Variants in ZBTB20 observed in about 807,000 individuals in gnomAD.
ZBTB20 encodes the protein zinc finger and BTB domain containing 20.
A neutral mutation model predicts 56.9 loss-of-function variants in ZBTB20; 9 were observed. The ratio of observed to expected loss-of-function variants is 0.16; its 90% CI spans 0.10 to 0.28. ZBTB20 has a LOEUF of 0.28. Ranked by LOEUF, ZBTB20 falls within the 10% of genes least tolerant of loss-of-function variation. ZBTB20 has a pLI of 1.00. For missense variants in ZBTB20, 655 were observed against 1,003.0 expected (o/e 0.65, Z 4.69); for synonymous variants, 417 against 420.7 (o/e 0.99, Z 0.11).
At chr3:114,526,220 A>G (rs962950957) in intron 6 of ZBTB20, among the ~76,000 whole-genome samples, 3 of 152,076 alleles carry the variant, frequency 2.0e-5, no homozygotes, top group Non-Finnish European at 4.4e-5. Flanking sequence ...CTTTTAAACT[A>G]CCTTGCATAT....
intron 5 of ZBTB20, among the ~76,000 whole-genome samples, chr3:114,729,312 C>G (rs1023403877): frequency 6.6e-6 from 1 of 152,152 alleles, no homozygotes; most frequent in Admixed American, 6.5e-5. Context: ...TAGAGAATAA[C>G]AGCAATGGAT....
At chr3:115,082,561 G>A (rs1390407320) in intron 1 of ZBTB20, among the ~76,000 whole-genome samples, 1 of 152,002 alleles carries the variant, frequency 6.6e-6, no homozygotes, top group African/African-American at 2.4e-5. Context: ...ATGGACAAAC[G>A]GACGGGAAAG....
At chr3:114,870,875 C>G (rs1158741735) in intron 4 of ZBTB20, among the ~76,000 whole-genome samples, 1 of 151,842 alleles carries the variant, frequency 6.6e-6, no homozygotes, top group Non-Finnish European at 1.5e-5. Flanking sequence ...TTCTTTCCTC[C>G]CTCCTCATTT....
At chr3:114,558,614 T>C (rs573199164) in intron 6 of ZBTB20, among the ~76,000 whole-genome samples, 1 of 152,252 alleles carries the variant, frequency 6.6e-6, no homozygotes, top group African/African-American at 2.4e-5. Flanking sequence ...TGGACATTTC[T>C]TAACTATTAA....
At chr3:114,434,558 T>TTGTGTGTGTG (rs71146320) in intron 7 of ZBTB20, among the ~76,000 whole-genome samples, 8,045 of 145,408 alleles carry the variant, frequency 0.055, 309 homozygotes, top group Non-Finnish European at 0.083. Context: ...GTGTGTGTGT[T>TTGTGTGTGTG]TGTGTGTGTG....
At chr3:114,525,163 T>TGGG (rs551328669) in intron 6 of ZBTB20, among the ~76,000 whole-genome samples, 4 of 151,864 alleles carry the variant, frequency 2.6e-5, no homozygotes, top group African/African-American at 9.7e-5. Flanking sequence ...CTTTTTTTGT[T>TGGG]GGGGGGGGTG....
chr3:114,665,162 T>C (rs1187751425), intron 6 of ZBTB20, among the ~76,000 whole-genome samples: 1 of 151,474 alleles, frequency 6.6e-6, no homozygotes, highest in Non-Finnish European at 1.5e-5. Flanking sequence ...ATCTATACCA[T>C]GGTGGTCCCA....
chr3:114,361,771 T>A (rs552292326), intron 10 of ZBTB20, among the ~76,000 whole-genome samples: 1 of 152,294 alleles, frequency 6.6e-6, no homozygotes, highest in East Asian at 1.9e-4. Flanking sequence ...AGGTCTCTAC[T>A]TGCATACAGC....
chr3:114,509,930 C>T (rs943233465), intron 6 of ZBTB20, among the ~76,000 whole-genome samples: 2 of 152,130 alleles, frequency 1.3e-5, no homozygotes, highest in Admixed American at 1.3e-4. Context: ...CTATCTGCTC[C>T]TTAACCTCCC....
chr3:114,842,187 T>C (rs535533591), intron 4 of ZBTB20, among the ~76,000 whole-genome samples: 1 of 152,332 alleles, frequency 6.6e-6, no homozygotes, highest in South Asian at 2.1e-4. Flanking sequence ...TTCCATGCCA[T>C]TACTCTACTC....
intron 2 of ZBTB20, among the ~76,000 whole-genome samples, chr3:115,019,227 A>C (rs1231740849): frequency 6.6e-6 from 1 of 151,198 alleles, no homozygotes; most frequent in African/African-American, 2.4e-5. Flanking sequence ...ACAGAGAAAA[A>C]ATTTTAGATG....
intron 3 of ZBTB20, among the ~76,000 whole-genome samples, chr3:114,961,529 C>T (rs2077451094): frequency 6.6e-6 from 1 of 152,008 alleles, no homozygotes; most frequent in Non-Finnish European, 1.5e-5. Context: ...GGACAAGTCT[C>T]GGTTGGAAGT....
At chr3:114,771,359 A>G (rs1487310735) in intron 5 of ZBTB20, among the ~76,000 whole-genome samples, 1 of 152,202 alleles carries the variant, frequency 6.6e-6, no homozygotes, top group Non-Finnish European at 1.5e-5. Context: ...TTATTAAATA[A>G]CTAAAAACTG....
intron 6 of ZBTB20, among the ~76,000 whole-genome samples, chr3:114,666,226 A>G (rs534865060): frequency 3.9e-4 from 60 of 152,186 alleles, no homozygotes; most frequent in African/African-American, 1.4e-3. Flanking sequence ...AGTGCTATCT[A>G]GAGTTGGCAT....
At chr3:114,861,653 T>C (rs1296492049) in intron 4 of ZBTB20, 1 of 151,042 alleles carries the variant, frequency 6.6e-6, no homozygotes, top group African/African-American at 2.4e-5. Flanking sequence ...TAGATGGAGT[T>C]AACCAAAATG....
chr3:114,707,669 T>G (rs1417632893), intron 5 of ZBTB20, among the ~76,000 whole-genome samples: 1 of 152,200 alleles, frequency 6.6e-6, no homozygotes, highest in Admixed American at 6.6e-5. Context: ...CTAGTAGATT[T>G]TTTTTTCCTC....
intron 2 of ZBTB20, among the ~76,000 whole-genome samples, chr3:115,014,029 A>G (rs975291677): frequency 1.3e-5 from 2 of 151,746 alleles, no homozygotes; most frequent in Non-Finnish European, 2.9e-5. Context: ...GTATCCATCA[A>G]CAGATGGATA....
At chr3:114,867,357 A>G (rs2075808449) in intron 4 of ZBTB20, among the ~76,000 whole-genome samples, 1 of 152,210 alleles carries the variant, frequency 6.6e-6, no homozygotes, top group South Asian at 2.1e-4. Flanking sequence ...CTAGAAATAT[A>G]GATGTGATCT....
chr3:114,617,230 C>T (rs2058003633), intron 6 of ZBTB20, among the ~76,000 whole-genome samples: 1 of 152,188 alleles, frequency 6.6e-6, no homozygotes, highest in South Asian at 2.1e-4. Flanking sequence ...TGATTGTTCC[C>T]TGCCTGCATC....
Sources: gnomAD v4.1 joint callset for allele counts (sites outside exome capture counted in the v4.1 genomes callset) on GRCh38, gnomAD v4.1.1 for gene constraint, MANE v1.5 for transcripts, NCBI Gene and HGNC (gene_info 2026-07-23, HGNC 2026-07-21) for gene names.